Variants in JAK2 observed in about 807,000 individuals in gnomAD.
The protein encoded by JAK2 is tyrosine-protein kinase JAK2.
In JAK2, 86 loss-of-function variants were observed where a neutral mutation model predicts 139.3. That is an observed-to-expected ratio of 0.62 (90% confidence interval 0.52 to 0.74). The LOEUF (loss-of-function observed/expected upper bound fraction) is 0.74. Among genes scored for constraint, JAK2 ranks in the 30% least tolerant of loss-of-function variants. The pLI is 0.00. For synonymous variants in JAK2, 490 were observed against 437.7 expected, an observed-to-expected ratio of 1.12 and a Z score of -1.49; for missense variants, 1,421 against 1,360.3, an observed-to-expected ratio of 1.04 and a Z score of -0.70.
chr9:5,095,822 T>C (rs1820945083), intron 22 of JAK2, among the ~76,000 whole-genome samples: 1 of 152,184 alleles, frequency 6.6e-6, no homozygotes, highest in African/African-American at 2.4e-5. Context: ...AATCCAAACG[T>C]TACCATTATA....
chr9:5,106,613 T>C (rs1301005187), intron 22 of JAK2, among the ~76,000 whole-genome samples: 4 of 152,166 alleles, frequency 2.6e-5, no homozygotes, highest in Non-Finnish European at 4.4e-5. Flanking sequence ...ATGTTTACTG[T>C]GGCACTATTC....
chr9:5,081,646 G>A (rs980682419), intron 18 of JAK2, 79 bp from the exon 19 acceptor site: 2 of 976,036 alleles, frequency 2.0e-6, no homozygotes, highest in African/African-American at 3.3e-5. Flanking sequence ...GATTATTTTG[G>A]TCAACTTGAA....
chr9:5,115,864 A>G (rs763093164), intron 22 of JAK2, among the ~76,000 whole-genome samples: 2 of 152,194 alleles, frequency 1.3e-5, no homozygotes, highest in African/African-American at 2.4e-5. Context: ...CAATGACAAC[A>G]TATGGACACA....
intron 22 of JAK2, among the ~76,000 whole-genome samples, chr9:5,104,955 C>A (rs1459302694): frequency 2.6e-5 from 4 of 152,182 alleles, no homozygotes; most frequent in Non-Finnish European, 5.9e-5. Context: ...CAATATCATA[C>A]TGAATGGGCA....
In JAK2 at chr9:5,077,585, G is replaced by A. The variant is rs1819388967; in HGVS notation, c.1992+5G>A. On this transcript the variant is annotated splice_donor_5th_base_variant and intron_variant, in intron 15 of 24. Transcript: ENST00000381652. ...GCATGGGCCATGCATTTTCTAGTAA[G>A]TAGTACAACCTTTTTATCAAAAGAT... 1.4e-6 allele frequency: 2 copies of A among 1,466,914 alleles called. No homozygotes were observed. Among genetic ancestry groups the A allele is most frequent in the Non-Finnish European group, 1.8e-6 (2 of 1,107,708 alleles). The allele number at this position is 1,466,914 out of a possible 1,614,324, so 90.9% of individuals were successfully genotyped here. A position where few individuals can be genotyped will look rare whatever the true frequency, so the allele number is the denominator to read the frequency against.
intron 8 of JAK2, among the ~76,000 whole-genome samples, chr9:5,064,433 G>C (rs540648948): frequency 2.0e-5 from 3 of 151,838 alleles, no homozygotes; most frequent in Admixed American, 2.0e-4. Flanking sequence ...ATGAGGGTGA[G>C]GTGGGTGGAT....
intron 2 of JAK2, among the ~76,000 whole-genome samples, chr9:5,017,628 TC>T (rs1563928820): frequency 6.6e-6 from 1 of 152,226 alleles, no homozygotes; most frequent in Non-Finnish European, 1.5e-5. Context: ...GCTATAAACT[TC>T]CCTCTTATAA....
chr9:5,041,118 A>C (rs1816471612), intron 4 of JAK2: 9 of 863,814 alleles, frequency 1.0e-5, no homozygotes. Flanking sequence ...TTCACGCCCA[A>C]GACGGTGCTC....
chr9:5,066,162 G>T (rs901729242), intron 9 of JAK2, among the ~76,000 whole-genome samples: 2 of 152,092 alleles, frequency 1.3e-5, no homozygotes, highest in Non-Finnish European at 2.9e-5. Flanking sequence ...TTCTTTCAGG[G>T]TGTGCAGCTT....
At chr9:4,993,695 C>G (rs575539205) in intron 2 of JAK2, among the ~76,000 whole-genome samples, 1 of 152,186 alleles carries the variant, frequency 6.6e-6, no homozygotes, top group Non-Finnish European at 1.5e-5. Context: ...GAAGTTTCCT[C>G]AAGACCCTTT....
Position 5,126,865 on chromosome 9 carries a change from A to G in JAK2, c.*74A>G, listed in dbSNP as rs1334066104. 9.3e-6 allele frequency: 7 copies of G among 752,102 alleles called. No homozygotes were observed. Among genetic ancestry groups the G allele is most frequent in the Admixed American group, 7.6e-5 (3 of 39,608 alleles). The allele number at this position is 752,102 out of a possible 1,614,324, so 46.6% of individuals were successfully genotyped here. The stretch of plus-strand genomic sequence containing the variant: ...TTTATATTTCACATTGCTGTGGACT[A>G]TTATTACATATATCATTATTATATA... On this transcript the variant is annotated 3_prime_UTR_variant, in exon 25 of 25. Transcript: ENST00000381652.
intron 19 of JAK2, among the ~76,000 whole-genome samples, chr9:5,084,182 G>A (rs981196729): frequency 3.9e-5 from 6 of 152,098 alleles, no homozygotes; most frequent in African/African-American, 1.4e-4. Flanking sequence ...ATATTTCTTA[G>A]TAATTTAGTT....
chr9:5,113,139 C>T (rs1411849282), intron 22 of JAK2, among the ~76,000 whole-genome samples: 1 of 151,372 alleles, frequency 6.6e-6, no homozygotes, highest in African/African-American at 2.4e-5. Flanking sequence ...CTGTGACCTG[C>T]CCCATGGACC....
intron 2 of JAK2, among the ~76,000 whole-genome samples, chr9:4,996,894 G>C (rs1314420991): frequency 6.6e-6 from 1 of 151,346 alleles, no homozygotes; most frequent in African/African-American, 2.4e-5. Flanking sequence ...TTCATGGTGG[G>C]AGTTCTCTCC....
rs535336102 is a variant in JAK2 at position 5,018,455 on chromosome 9, G to C, written c.-25-3508G>C. 2.0e-5 allele frequency among the ~76,000 whole-genome samples: 3 copies of C among 152,236 alleles called. No homozygotes were observed. In the South Asian group the frequency reaches 6.2e-4, roughly 32 times the overall value. ...GGTCTCAGGTGATCCTTCTGCCTCA[G>C]CCTCTCAGGTAGCTGGGACTACAGA... On this transcript the variant is annotated intron_variant, in intron 2 of 24. Transcript: ENST00000381652.
At chr9:5,082,565 C>G (rs563873958) in intron 19 of JAK2, among the ~76,000 whole-genome samples, 1 of 152,350 alleles carries the variant, frequency 6.6e-6, no homozygotes. Context: ...TTTACTAATC[C>G]TCCCCAGCAC....
At position 5,080,247 on chromosome 9, in the gene JAK2, C is replaced by A; in HGVS notation, c.2150C>A (p.Pro717Gln). The change falls in exon 17 of 25, where the codon CCA becomes CAA. Residue 717 changes from proline (P) to glutamine (Q), a missense_variant. Coordinates refer to ENST00000381652, the MANE Select transcript of JAK2 (RefSeq NM_004972.4). ...TTAAAAGTTCTTCAGGAGAGAATAC[C>A]ATGGGTACCACCTGAATGCATTGAA... ...LPKDILQERI[P>Q]WVPPECIENP... is the part of the protein sequence containing the mutation. 6.2e-7 allele frequency: 1 copy of A among 1,612,228 alleles called. No homozygotes were observed. Among genetic ancestry groups the A allele is most frequent in the Non-Finnish European group, 8.5e-7 (1 of 1,178,804 alleles).
intron 3 of JAK2, among the ~76,000 whole-genome samples, chr9:5,023,840 G>A (rs1370387258): frequency 6.6e-6 from 1 of 151,244 alleles, no homozygotes; most frequent in Non-Finnish European, 1.5e-5. Flanking sequence ...TTTGTTGTGT[G>A]TAGTCTCTGA....
At chr9:4,995,615 C>G (rs1261514268) in intron 2 of JAK2, among the ~76,000 whole-genome samples, 1 of 152,154 alleles carries the variant, frequency 6.6e-6, no homozygotes, top group African/African-American at 2.4e-5. Context: ...CCTCTGAAAC[C>G]ATATTGTGAG....
Sources: gnomAD v4.1 joint callset for allele counts (sites outside exome capture counted in the v4.1 genomes callset) on GRCh38, gnomAD v4.1.1 for gene constraint, MANE v1.5 for transcripts, NCBI Gene and HGNC (gene_info 2026-07-23, HGNC 2026-07-21) for gene names.